The following EPS15L1 variants were observed in gnomAD, a reference collection of about 807,000 sequenced individuals.
EPS15L1 encodes epidermal growth factor receptor pathway substrate 15 like 1, also known as epidermal growth factor receptor substrate 15-like 1.
A neutral mutation model predicts 117.1 loss-of-function variants in EPS15L1; 43 were observed. The ratio of observed to expected loss-of-function variants is 0.37; its 90% CI spans 0.29 to 0.47. The LOEUF (loss-of-function observed/expected upper bound fraction) is 0.47, where lower values mean the gene tolerates loss of function less well. Among genes scored for constraint, EPS15L1 ranks in the 20% least tolerant of loss-of-function variants. The pLI, the probability that EPS15L1 is intolerant of heterozygous loss-of-function variation, is 0.99. For missense variants in EPS15L1, 981 were observed against 1,164.0 expected (o/e 0.84, Z 2.29); for synonymous variants, 459 against 470.5 (o/e 0.98, Z 0.32).
intron 16 of EPS15L1, chr19:16,400,686 G>A: frequency 1.0e-6 from 1 of 985,380 alleles, no homozygotes; most frequent in South Asian, 4.7e-5. Flanking sequence ...TCTTTCGGAT[G>A]CCAGTTGCAA....
chr19:16,359,181 C>T (rs1026095003), intron 23 of EPS15L1, among the ~76,000 whole-genome samples: 6 of 152,152 alleles, frequency 3.9e-5, no homozygotes, highest in Non-Finnish European at 8.8e-5. Context: ...AGAACGTCCA[C>T]GCTGAAAGAG....
chr19:16,452,682 G>GA (rs71334620), intron 1 of EPS15L1, among the ~76,000 whole-genome samples: 7 of 151,888 alleles, frequency 4.6e-5, no homozygotes, highest in African/African-American at 1.7e-4. Flanking sequence ...GTAGGTGGGG[G>GA]AAAAGATCAA....
intron 22 of EPS15L1, among the ~76,000 whole-genome samples, chr19:16,369,932 C>T (rs1049658138): frequency 1.3e-5 from 2 of 152,200 alleles, no homozygotes; most frequent in South Asian, 4.1e-4. Context: ...GAGCCAGGCA[C>T]GGGGAGCCCT....
At chr19:16,401,814 C>T in intron 16 of EPS15L1, 1 of 986,112 alleles carries the variant, frequency 1.0e-6, no homozygotes, top group Non-Finnish European at 1.2e-6. Flanking sequence ...CCAATTCTTA[C>T]TTGAAAGAGC....
At chr19:16,377,678 C>T (rs935507149) in intron 21 of EPS15L1, among the ~76,000 whole-genome samples, 3 of 152,208 alleles carry the variant, frequency 2.0e-5, no homozygotes, top group African/African-American at 4.8e-5. Flanking sequence ...CCTGGTGTGC[C>T]GCCTCCCCAC....
chr19:16,362,010 A>T, intron 22 of EPS15L1, 26 bp from the exon 23 acceptor site: 1 of 1,562,638 alleles, frequency 6.4e-7, no homozygotes, highest in East Asian at 2.3e-5. Flanking sequence ...GAAAAAAAAA[A>T]GGAGAAAGAA....
chr19:16,361,921 T>C lies in EPS15L1; in HGVS notation c.2444A>G (p.Gln815Arg), dbSNP rs1464239686. The change falls in exon 23 of 24, where the codon CAG becomes CGG. Residue 815 changes from glutamine (Q) to arginine (R), a missense_variant. By Grantham distance (43) the Gln-to-Arg change is conservative (BLOSUM62 1). This residue lies in a region of EPS15L1 where 819 missense variants were observed against 949.0 expected (regional missense o/e 0.86). Transcript: ENST00000455140. ...ADFPEAPDPF[Q>R]PLGADSGDPF... is the part of the protein sequence containing the mutation. ...GTCGCCGCTGTCAGCCCCGAGTGGC[T>C]GGAATGGATCGGGGGCCTCGGGAAA... 6.2e-7 allele frequency: 1 copy of C among 1,613,910 alleles called. No homozygotes were observed. The highest frequency in any genetic ancestry group is 2.2e-5 in the East Asian group (1 of 44,870).
In EPS15L1 at chr19:16,404,208, C is replaced by A. The variant is rs2092631389; in HGVS notation, c.1429-278G>T. ...AGCACGAACAATCTGTCCATCCCCCCAGAGGCTGAACGTCATAGAGTTTTC... is the reference window on the plus strand; with the variant it reads ...AGCACGAACAATCTGTCCATCCCCCAAGAGGCTGAACGTCATAGAGTTTTC... On this transcript the variant is annotated intron_variant, in intron 14 of 23. Coordinates refer to ENST00000455140, the MANE Select transcript of EPS15L1 (RefSeq NM_001258374.3). This position sits in a 1 kb window ranked among gnomAD's most constrained non-coding sequence, Gnocchi z 4.2. Among the ~76,000 whole-genome samples the A allele has an allele frequency of 6.6e-6, 1 of 152,308 alleles. No individual in the cohort carries two copies. The highest frequency in any genetic ancestry group is 3.4e-3 in the Middle Eastern group (1 of 294).
intron 13 of EPS15L1, among the ~76,000 whole-genome samples, chr19:16,407,082 G>A (rs1442828984): frequency 6.6e-6 from 1 of 152,212 alleles, no homozygotes; most frequent in Non-Finnish European, 1.5e-5. Context: ...CCTGAACTGT[G>A]AGCAGTAAAC....
intron 16 of EPS15L1, chr19:16,401,551 G>A (rs1462292284): frequency 1.2e-5 from 12 of 985,524 alleles, no homozygotes; most frequent in African/African-American, 1.7e-5. Flanking sequence ...ATCCGCTCCC[G>A]GAACAGCACC....
chr19:16,434,865 C>A, intron 6 of EPS15L1: 1 of 170,778 alleles, frequency 5.9e-6, no homozygotes. Context: ...ACCAGAAAGA[C>A]AAAAGTGTGA....
chr19:16,445,755 C>A (rs958460399), intron 1 of EPS15L1, among the ~76,000 whole-genome samples: 2 of 152,290 alleles, frequency 1.3e-5, no homozygotes, highest in Middle Eastern at 3.4e-3. Context: ...CCAAAGTGAG[C>A]CTGGGGCCAA....
At chr19:16,410,509 G>C (rs1464802599) in intron 13 of EPS15L1, among the ~76,000 whole-genome samples, 1 of 152,194 alleles carries the variant, frequency 6.6e-6, no homozygotes, top group East Asian at 1.9e-4. Flanking sequence ...GTATACACTT[G>C]AGATAAAGGC....
rs2092610030 is a variant in EPS15L1, at chr19:16,402,307, T to C, written c.1791+14A>G. The C allele has an allele frequency of 6.2e-7, 1 of 1,600,406 alleles. No homozygotes were observed. Among genetic ancestry groups the C allele is most frequent in the South Asian group, 1.1e-5 (1 of 89,320 alleles). On this transcript the variant is annotated intron_variant, in intron 16 of 23. Coordinates refer to ENST00000455140, the MANE Select transcript of EPS15L1 (RefSeq NM_001258374.3). ...CCAGAGCCCCATACTGTAATACGTTTATTCAACCTTTACCATGGCTCCAAA... is the reference window on the plus strand; with the variant it reads ...CCAGAGCCCCATACTGTAATACGTTCATTCAACCTTTACCATGGCTCCAAA...
Position 16,405,580 on chromosome 19 carries a change from T to C in EPS15L1, c.1267-831A>G, listed in dbSNP as rs1340148301. Among the ~76,000 whole-genome samples the C allele has an allele frequency of 6.6e-6, 1 of 152,234 alleles. No homozygotes were observed. Among genetic ancestry groups the C allele is most frequent in the Non-Finnish European group, 1.5e-5 (1 of 68,030 alleles). ...AATCCGTAAACAATGCAGATGTCCA[T>C]GAGGTGCTGGCTGGAAGGTTCCAGC... On this transcript the variant is annotated intron_variant, in intron 13 of 23. Coordinates refer to ENST00000455140, the MANE Select transcript of EPS15L1 (RefSeq NM_001258374.3). The surrounding 1 kb of genome is among the most constrained non-coding windows in gnomAD (Gnocchi z 4.0).
chr19:16,390,653 C>T (rs1452476578), intron 19 of EPS15L1, among the ~76,000 whole-genome samples: 1 of 151,968 alleles, frequency 6.6e-6, no homozygotes, highest in African/African-American at 2.4e-5. Context: ...TCTCAAATAA[C>T]AAATTTAATT....
chr19:16,393,986 T>C lies in EPS15L1; in HGVS notation c.1931A>G (p.Asn644Ser). The change falls in exon 18 of 24, where the codon AAT becomes AGT. Residue 644 changes from asparagine (N) to serine (S), a missense_variant. This residue lies in a region of EPS15L1 where 819 missense variants were observed against 949.0 expected (regional missense o/e 0.86). Coordinates refer to ENST00000455140, the MANE Select transcript of EPS15L1 (RefSeq NM_001258374.3). ...TGTCTGCTGTTCTGCAAAGGGGTCATTCTGGAACGGGTCGCCTGGTTGGAA... is the reference window on the plus strand; with the variant it reads ...TGTCTGCTGTTCTGCAAAGGGGTCACTCTGGAACGGGTCGCCTGGTTGGAA... Reference protein sequence around the residue: ...ADPFKGDPFQNDPFAEQQTTS... With the variant: ...ADPFKGDPFQSDPFAEQQTTS... 1 of 1,614,102 alleles carries C rather than the reference T, an allele frequency of 6.2e-7. No individual in the cohort carries two copies. Among genetic ancestry groups the C allele is most frequent in the African/African-American group, 1.3e-5 (1 of 75,042 alleles).
In EPS15L1 at chr19:16,454,491, T is replaced by A. The variant is rs555270502; in HGVS notation, c.34-12272A>T. On this transcript the variant is annotated intron_variant, in intron 1 of 23. Transcript: ENST00000455140. ...TGTCAGCATGAGCTGCTTTTGTAAA[T>A]TAGACAGAAATAGAAAGATGTGCAA... Among the ~76,000 whole-genome samples, 16 of 152,258 alleles carry A rather than the reference T, an allele frequency of 1.1e-4. No homozygotes were observed. In the South Asian group the frequency reaches 2.9e-3, roughly 28 times the overall value.
chr19:16,445,180 A>C (rs2145096280), intron 1 of EPS15L1, among the ~76,000 whole-genome samples: 1 of 152,344 alleles, frequency 6.6e-6, no homozygotes, highest in East Asian at 1.9e-4. Flanking sequence ...ATCCGCAACC[A>C]AGAGAAACAA....
Sources: allele counts gnomAD v4.1 joint callset (sites outside exome capture counted in the v4.1 genomes callset), GRCh38; gene constraint gnomAD v4.1.1; regional missense constraint gnomAD v4.1.1; non-coding constraint Gnocchi (gnomAD v3.1); transcripts MANE v1.5; gene names NCBI Gene and HGNC (gene_info 2026-07-23, HGNC 2026-07-21).